The following MED24 variants were observed in gnomAD, a reference collection of about 807,000 sequenced individuals.
The protein encoded by MED24 is mediator complex subunit 24.
A neutral mutation model predicts 118.8 loss-of-function variants in MED24; 74 were observed. That is an observed-to-expected ratio of 0.62 (90% CI 0.52 to 0.76). The LOEUF (loss-of-function observed/expected upper bound fraction) is 0.76, where lower values mean the gene tolerates loss of function less well. Ranked by LOEUF, MED24 falls within the 30% of genes least tolerant of loss-of-function variation. The probability of loss-of-function intolerance (pLI) is 0.00; values close to 1 mark genes in which losing one functional copy is unlikely to be tolerated. For synonymous variants in MED24, 521 were observed against 523.9 expected (o/e 0.99, Z 0.08); for missense variants, 1,041 against 1,278.9 (o/e 0.81, Z 2.84).
At chr17:40,052,241 C>T (rs1291965248) in intron 3 of MED24, among the ~76,000 whole-genome samples, 1 of 152,070 alleles carries the variant, frequency 6.6e-6, no homozygotes, top group Non-Finnish European at 1.5e-5. Context: ...TGCAGTGAGC[C>T]GAGGTCACGC....
intron 19 of MED24, among the ~76,000 whole-genome samples, chr17:40,023,944 G>A (rs1274662109): frequency 6.6e-6 from 1 of 152,174 alleles, no homozygotes; most frequent in East Asian, 1.9e-4. Context: ...CGGGCCGAGT[G>A]CTGACTGTTC....
chr17:40,046,848 G>A (rs561171363), intron 3 of MED24, among the ~76,000 whole-genome samples: 146 of 152,228 alleles, frequency 9.6e-4, no homozygotes, highest in Middle Eastern at 3.4e-3. Flanking sequence ...TTGAGCCCAG[G>A]AGTTTGATAC....
chr17:40,045,006 A>T (rs752455374), intron 3 of MED24, among the ~76,000 whole-genome samples: 9 of 152,212 alleles, frequency 5.9e-5, no homozygotes, highest in Non-Finnish European at 1.0e-4. Context: ...ACTATAATTT[A>T]GTATGTGTAT....
In MED24 at chr17:40,033,671, C is replaced by T. The variant is rs537309714; in HGVS notation, c.560-215G>A. On this transcript the variant is annotated intron_variant, in intron 6 of 25. Transcript: ENST00000394128. The surrounding 1 kb of genome is among the most constrained non-coding windows in gnomAD (Gnocchi z 5.2). ...GAGCTGGAAACCCCAGAGACCATTCCCAAAAGCCTGATTTCCAGGGGACAC... is the reference window on the plus strand; with the variant it reads ...GAGCTGGAAACCCCAGAGACCATTCTCAAAAGCCTGATTTCCAGGGGACAC... 8.8e-6 allele frequency: 6 copies of T among 678,772 alleles called. No homozygotes were observed. The highest frequency in any genetic ancestry group is 8.5e-5 in the East Asian group (3 of 35,254). The allele number at this position is 678,772 out of a possible 1,614,324, so 42.0% of individuals were successfully genotyped here.
At chr17:40,050,463 T>C (rs2144998964) in intron 3 of MED24, among the ~76,000 whole-genome samples, 1 of 151,892 alleles carries the variant, frequency 6.6e-6, no homozygotes, top group African/African-American at 2.4e-5. Flanking sequence ...AAATATGAGA[T>C]ACACATTCAG....
chr17:40,038,259 T>C (rs1192632820), intron 3 of MED24, among the ~76,000 whole-genome samples: 1 of 152,200 alleles, frequency 6.6e-6, no homozygotes, highest in East Asian at 1.9e-4. Context: ...AGGAAGTTTT[T>C]ATTGCTTTGA....
intron 2 of MED24, 30 bp downstream of exon 2, chr17:40,053,439 C>T (rs779739371): frequency 6.2e-7 from 1 of 1,613,724 alleles, no homozygotes; most frequent in Non-Finnish European, 8.5e-7. Context: ...GTTTATCCCT[C>T]CCATCTTTCT....
At chr17:40,053,891 G>A (rs1008535641) in intron 1 of MED24, 14 of 586,654 alleles carry the variant, frequency 2.4e-5, no homozygotes, top group Admixed American at 9.0e-5. Context: ...AGCACTTCGG[G>A]AGGCAGAGGC....
Position 40,019,828 on chromosome 17 carries a change from T to C in MED24, c.2810A>G (p.Gln937Arg). The change falls in exon 25 of 26, where the codon CAG becomes CGG. Residue 937 changes from glutamine (Q) to arginine (R), a missense_variant. Gln to Arg is a conservative substitution (Grantham distance 43). This residue lies in a region of MED24 where 587 missense variants were observed against 694.4 expected (regional missense o/e 0.85). Coordinates refer to ENST00000394128, the MANE Select transcript of MED24 (RefSeq NM_014815.4). ...FMEECVDCLEQGGRGSVLQFM... is the reference protein window; with the variant it reads ...FMEECVDCLERGGRGSVLQFM... ...CTGCAGGACGCTGCCACGGCCACCCTGCTCCAGGCAGTCCACACACTCCTC... is the reference window on the plus strand; with the variant it reads ...CTGCAGGACGCTGCCACGGCCACCCCGCTCCAGGCAGTCCACACACTCCTC... The C allele has an allele frequency of 6.2e-7, 1 of 1,602,962 alleles. No homozygotes were observed. The highest frequency in any genetic ancestry group is 8.5e-7 in the Non-Finnish European group (1 of 1,174,438).
Position 40,019,356 on chromosome 17 carries a change from G to A in MED24, c.*173C>T, listed in dbSNP as rs1049162611. 2.4e-5 allele frequency: 15 copies of A among 618,478 alleles called. No homozygotes were observed. The highest frequency in any genetic ancestry group is 1.2e-4 in the South Asian group (6 of 50,302). The allele number at this position is 618,478 out of a possible 1,614,324, so 38.3% of individuals were successfully genotyped here. On this transcript the variant is annotated 3_prime_UTR_variant, in exon 26 of 26. Transcript: ENST00000394128. ...AGAGGAAATTTTGAAAGAAGAAACC[G>A]GGAGACATCCTGGAGGTCAGGAGTC...
intron 3 of MED24, among the ~76,000 whole-genome samples, chr17:40,038,549 A>T (rs1984207710): frequency 6.6e-6 from 1 of 152,038 alleles, no homozygotes; most frequent in African/African-American, 2.4e-5. Context: ...CGTCTCTGCT[A>T]AAAATACAAA....
chr17:40,051,304 CCTT>C (rs1985818657), intron 3 of MED24, among the ~76,000 whole-genome samples: 1 of 151,340 alleles, frequency 6.6e-6, no homozygotes, highest in South Asian at 2.1e-4. Context: ...GAGTAAGACT[CCTT>C]CTCAAAAAAT....
At position 40,028,921 on chromosome 17, in the gene MED24, G is replaced by A. The variant is rs371817609; in HGVS notation, c.1314C>T (p.Val438=). ...HSKSPEGLLG[V]LGHMLSGKSL... is the part of the protein sequence containing the mutation. ...TCTTCCCGGACAGCATGTGGCCCAG[G>A]ACTCCCAGCAGTCCCTCCGGTGACT... Residue 438 remains valine (V), a synonymous_variant, in exon 14 of 26, where the codon GTC becomes GTT. Transcript: ENST00000394128. 28 of 1,614,062 alleles carry A rather than the reference G, an allele frequency of 1.7e-5. No homozygotes were observed. In the African/African-American group the frequency reaches 3.7e-4, roughly 22 times the overall value.
In MED24 at chr17:40,033,435, T is replaced by A; in HGVS notation, c.581A>T (p.His194Leu). The A allele has an allele frequency of 6.2e-7, 1 of 1,600,964 alleles. No homozygotes were observed. Among genetic ancestry groups the A allele is most frequent in the Middle Eastern group, 1.7e-4 (1 of 6,058 alleles). The change falls in exon 7 of 26, where the codon CAT becomes CTT. Residue 194 changes from histidine (H) to leucine (L), a missense_variant. Physicochemically the swap from His to Leu is moderately conservative, Grantham distance 99. This residue lies in a region of MED24 where 434 missense variants were observed against 514.9 expected (regional missense o/e 0.84). Coordinates refer to ENST00000394128, the MANE Select transcript of MED24 (RefSeq NM_014815.4). This position sits in a 1 kb window ranked among gnomAD's most constrained non-coding sequence, Gnocchi z 5.2. ...EEASSWTAIEHSLLKLGEILA... is the reference protein window; with the variant it reads ...EEASSWTAIELSLLKLGEILA... Reference sequence around the variant, plus strand: ...GATCTCTCCAAGTTTCAAGAGAGAATGCTCGATGGCAGTCCAAGAAGCTGG... The same window carrying A: ...GATCTCTCCAAGTTTCAAGAGAGAAAGCTCGATGGCAGTCCAAGAAGCTGG...
At chr17:40,036,626 T>G (rs2144927875) in intron 3 of MED24, among the ~76,000 whole-genome samples, 1 of 144,314 alleles carries the variant, frequency 6.9e-6, no homozygotes. Flanking sequence ...AGTTGGAGGT[T>G]GCAGTGAGCC....
intron 9 of MED24, 76 bp downstream of exon 9, chr17:40,032,573 G>T: frequency 8.4e-7 from 1 of 1,185,164 alleles, no homozygotes; most frequent in Non-Finnish European, 1.2e-6. Flanking sequence ...GGAACACAGG[G>T]CAAAGGTCCA....
At chr17:40,044,097 C>CAGTCTGGATGAAGG (rs766578978) in intron 3 of MED24, among the ~76,000 whole-genome samples, 96 of 118,006 alleles carry the variant, frequency 8.1e-4, no homozygotes, top group Admixed American at 1.5e-3. Context: ...AGCTGCACTC[C>CAGTCTGGATGAAGG]AGTCTGGATG....
intron 3 of MED24, among the ~76,000 whole-genome samples, chr17:40,052,552 A>G (rs1985968003): frequency 6.6e-6 from 1 of 152,196 alleles, no homozygotes; most frequent in Non-Finnish European, 1.5e-5. Context: ...AAAAGCATTC[A>G]TGAGTATTTG....
intron 3 of MED24, among the ~76,000 whole-genome samples, chr17:40,049,523 T>A (rs953027713): frequency 5.9e-5 from 9 of 152,110 alleles, no homozygotes; most frequent in Admixed American, 2.0e-4. Context: ...CTTTATTTTT[T>A]AATTTTATTT....
Sources: gnomAD v4.1 joint callset for allele counts (sites outside exome capture counted in the v4.1 genomes callset) on GRCh38, gnomAD v4.1.1 for gene constraint, gnomAD v4.1.1 regional missense constraint, Gnocchi (gnomAD v3.1) non-coding constraint, MANE v1.5 for transcripts, NCBI Gene and HGNC (gene_info 2026-07-23, HGNC 2026-07-21) for gene names.